Variants in EVA1C observed in about 807,000 individuals in gnomAD.
The protein encoded by EVA1C is eva-1 homolog C, also known as protein eva-1 homolog C.
Under a neutral mutation model 45.4 loss-of-function variants are expected in EVA1C, and 25 were observed. The observed-to-expected ratio is 0.55, with a 90% CI of 0.40 to 0.77. EVA1C has a LOEUF of 0.77. EVA1C is among the 30% of genes least tolerant of loss of function. EVA1C has a pLI of 0.00. For missense variants in EVA1C, 479 were observed against 554.8 expected, an observed-to-expected ratio of 0.86 and a Z score of 1.37; for synonymous variants, 190 against 221.2, an observed-to-expected ratio of 0.86 and a Z score of 1.25.
At chr21:32,507,208 T>C (rs1469336799) in intron 7 of EVA1C, among the ~76,000 whole-genome samples, 4 of 152,322 alleles carry the variant, frequency 2.6e-5, no homozygotes, top group Non-Finnish European at 4.4e-5. Flanking sequence ...TTCCCCAACA[T>C]TGAAAAAGCT....
At chr21:32,448,977 AAGAAAGAG>A (rs1289254029) in intron 1 of EVA1C, among the ~76,000 whole-genome samples, 2 of 151,364 alleles carry the variant, frequency 1.3e-5, no homozygotes, top group Admixed American at 6.6e-5. Flanking sequence ...AAAAGAAAGA[AAGAAAGAG>A]AGAAAGAAAG....
intron 1 of EVA1C, among the ~76,000 whole-genome samples, chr21:32,427,642 G>A (rs950173340): frequency 6.6e-6 from 1 of 152,018 alleles, no homozygotes; most frequent in Non-Finnish European, 1.5e-5. Flanking sequence ...GAACCTGGGA[G>A]GCGGAGGTTG....
chr21:32,475,879 T>TACTCTATC (rs1555867880), intron 4 of EVA1C, among the ~76,000 whole-genome samples: 80 of 100,536 alleles, frequency 8.0e-4, no homozygotes, highest in African/African-American at 3.1e-3. Flanking sequence ...TCTAAAAACT[T>TACTCTATC]TATCTATCTA....
At chr21:32,494,569 G>T (rs62214670) in intron 4 of EVA1C, among the ~76,000 whole-genome samples, 92 of 152,272 alleles carry the variant, frequency 6.0e-4, no homozygotes, top group Admixed American at 1.4e-3. Flanking sequence ...AATCACTGGA[G>T]GTCAGGAGTT....
chr21:32,499,067 G>A (rs754166258), intron 5 of EVA1C, among the ~76,000 whole-genome samples: 3 of 152,186 alleles, frequency 2.0e-5, no homozygotes, highest in Non-Finnish European at 4.4e-5. Context: ...TTCACTGCCT[G>A]GTTATTCTGC....
At chr21:32,454,859 G>A (rs962023412) in intron 2 of EVA1C, among the ~76,000 whole-genome samples, 5 of 152,126 alleles carry the variant, frequency 3.3e-5, no homozygotes, top group African/African-American at 4.8e-5. Flanking sequence ...TCCACTCCAA[G>A]CATGGTAGTA....
chr21:32,443,481 G>A (rs927843665), intron 1 of EVA1C, among the ~76,000 whole-genome samples: 27 of 152,244 alleles, frequency 1.8e-4, no homozygotes, highest in African/African-American at 6.3e-4. Flanking sequence ...AGGTTGCAGT[G>A]AGCCAAGATT....
At chr21:32,429,270 A>G (rs1485453931) in intron 1 of EVA1C, among the ~76,000 whole-genome samples, 8 of 151,972 alleles carry the variant, frequency 5.3e-5, no homozygotes, top group African/African-American at 1.9e-4. Context: ...TGAACTCCTG[A>G]CCTCAGGTAA....
At chr21:32,425,953 A>G (rs1289818363) in intron 1 of EVA1C, among the ~76,000 whole-genome samples, 2 of 146,944 alleles carry the variant, frequency 1.4e-5, no homozygotes, top group Non-Finnish European at 3.0e-5. Flanking sequence ...AACCTGAAAA[A>G]AGTGAACACT....
intron 3 of EVA1C, among the ~76,000 whole-genome samples, chr21:32,461,529 C>T (rs1475021718): frequency 1.3e-5 from 2 of 152,166 alleles, no homozygotes; most frequent in African/African-American, 4.8e-5. Flanking sequence ...CAGTTCCAGT[C>T]TGAGCAGGAC....
chr21:32,451,033 G>A (rs2035560217), intron 1 of EVA1C, among the ~76,000 whole-genome samples: 1 of 152,182 alleles, frequency 6.6e-6, no homozygotes, highest in African/African-American at 2.4e-5. Context: ...GGAAATGTCT[G>A]TAGCCTTCCT....
At chr21:32,443,028 A>G (rs1601275523) in intron 1 of EVA1C, among the ~76,000 whole-genome samples, 2 of 67,016 alleles carry the variant, frequency 3.0e-5, no homozygotes, top group African/African-American at 5.7e-5. Flanking sequence ...GAGGGAAGGA[A>G]GGAGGAAGGG....
At chr21:32,481,056 T>C (rs1243358564) in intron 4 of EVA1C, among the ~76,000 whole-genome samples, 3 of 152,180 alleles carry the variant, frequency 2.0e-5, no homozygotes, top group Admixed American at 1.3e-4. Flanking sequence ...TAGGAAGATA[T>C]TCTTTAAAGG....
chr21:32,498,990 C>T (rs939330070), intron 5 of EVA1C, among the ~76,000 whole-genome samples: 1 of 152,200 alleles, frequency 6.6e-6, no homozygotes, highest in African/African-American at 2.4e-5. Flanking sequence ...ATATCAGAGC[C>T]ATTTTCACAT....
At chr21:32,413,865 C>T (rs1022645405) in intron 1 of EVA1C, among the ~76,000 whole-genome samples, 13 of 152,212 alleles carry the variant, frequency 8.5e-5, no homozygotes, top group Admixed American at 2.6e-4. Context: ...CAGCCTTCCC[C>T]AGCCCAGCTT....
chr21:32,514,758 A>G, intron 7 of EVA1C, 56 bp from the exon 8 acceptor site: 9 of 1,490,702 alleles, frequency 6.0e-6, no homozygotes, highest in Non-Finnish European at 8.0e-6. Flanking sequence ...GGGACTTGGC[A>G]CTGGTGGAGT....
At chr21:32,511,922 C>T (rs1208789463) in intron 7 of EVA1C, among the ~76,000 whole-genome samples, 1 of 151,998 alleles carries the variant, frequency 6.6e-6, no homozygotes, top group African/African-American at 2.4e-5. Flanking sequence ...GTTCCCGACC[C>T]ACCAGCAGGA....
intron 7 of EVA1C, among the ~76,000 whole-genome samples, chr21:32,513,085 T>C (rs1034996215): frequency 6.7e-6 from 1 of 149,592 alleles, no homozygotes; most frequent in African/African-American, 2.5e-5. Flanking sequence ...TATTGTAATA[T>C]AGTTGTTACT....
chr21:32,485,982 G>C (rs1196456463), intron 4 of EVA1C, among the ~76,000 whole-genome samples: 1 of 152,222 alleles, frequency 6.6e-6, no homozygotes, highest in Non-Finnish European at 1.5e-5. Flanking sequence ...CTTCCACCTT[G>C]TAAGGTTTCG....
Sources: gnomAD v4.1 joint callset for allele counts (sites outside exome capture counted in the v4.1 genomes callset) on GRCh38, gnomAD v4.1.1 for gene constraint, MANE v1.5 for transcripts, NCBI Gene and HGNC (gene_info 2026-07-23, HGNC 2026-07-21) for gene names.